The following SLC60A2 variants were observed in gnomAD, a reference collection of about 807,000 sequenced individuals.
The protein encoded by SLC60A2 is major facilitator superfamily domain containing 4B.
At chr6:111,265,467 C>T in the SLC60A2 span, 4 of 797,242 alleles carry the variant, frequency 5.0e-6, no homozygotes, top group African/African-American at 7.5e-5. Flanking sequence ...TGGCTACCAA[C>T]AGCAAGTACA....
the SLC60A2 span, among the ~76,000 whole-genome samples, chr6:111,276,217 C>T: frequency 8.4e-4 from 128 of 152,220 alleles, 1 homozygote; most frequent in Non-Finnish European, 1.3e-3. Context: ...GTTGTTAATA[C>T]GCTGCTGTGA....
the SLC60A2 span, chr6:111,263,794 ATAT>A: frequency 8.9e-7 from 1 of 1,122,936 alleles, no homozygotes; most frequent in African/African-American, 1.5e-5. Context: ...GACTGCATGG[ATAT>A]TATTTTTTAT....
the SLC60A2 span, chr6:111,267,681 CGTG>C: frequency 6.6e-6 from 1 of 152,212 alleles, no homozygotes; most frequent in African/African-American, 2.4e-5. Flanking sequence ...ATTAGCCAGG[CGTG>C]GTGGCAGGCA....
the SLC60A2 span, among the ~76,000 whole-genome samples, chr6:111,272,431 T>C: frequency 1.3e-5 from 2 of 152,202 alleles, no homozygotes; most frequent in Non-Finnish European, 2.9e-5. Flanking sequence ...TATAGCTGTT[T>C]TCAGTTATAT....
the SLC60A2 span, chr6:111,264,094 C>G: frequency 1.9e-6 from 1 of 530,700 alleles, no homozygotes; most frequent in Non-Finnish European, 3.4e-6. Flanking sequence ...AATCACCCTT[C>G]TAGCAGCTAT....
chr6:111,272,448 T>G, the SLC60A2 span, among the ~76,000 whole-genome samples: 2 of 152,154 alleles, frequency 1.3e-5, no homozygotes, highest in African/African-American at 4.8e-5. Flanking sequence ...ATATACTGGA[T>G]TATTGAACTA....
At chr6:111,274,067 G>A in the SLC60A2 span, among the ~76,000 whole-genome samples, 1 of 152,058 alleles carries the variant, frequency 6.6e-6, no homozygotes, top group Non-Finnish European at 1.5e-5. Flanking sequence ...TGTTGCGCAG[G>A]CTGGTCTCAA....
chr6:111,268,131 T>C, the SLC60A2 span: 3 of 152,262 alleles, frequency 2.0e-5, no homozygotes, highest in African/African-American at 7.2e-5. Context: ...AGCATGTTCT[T>C]CATTTCAAAT....
the SLC60A2 span, chr6:111,267,653 CT>C: frequency 1.3e-5 from 2 of 152,268 alleles, no homozygotes; most frequent in Admixed American, 6.5e-5. Context: ...AACCCTGTCT[CT>C]ACTAAAAATA....
the SLC60A2 span, chr6:111,262,230 A>G: frequency 6.3e-7 from 1 of 1,591,678 alleles, no homozygotes; most frequent in Non-Finnish European, 8.6e-7. Context: ...GATTATAAGT[A>G]AAAACTTTTG....
chr6:111,279,863 C>T, the SLC60A2 span, among the ~76,000 whole-genome samples: 6 of 151,948 alleles, frequency 3.9e-5, no homozygotes, highest in African/African-American at 7.2e-5. Context: ...TACCTTGAGC[C>T]GAGGAGTTCA....
At chr6:111,275,463 G>A in the SLC60A2 span, among the ~76,000 whole-genome samples, 15,074 of 150,528 alleles carry the variant, frequency 0.1, 983 homozygotes, top group Middle Eastern at 0.19. Context: ...AGGCTGGAGT[G>A]CAATGGCATG....
At chr6:111,273,951 C>T in the SLC60A2 span, among the ~76,000 whole-genome samples, 1 of 152,030 alleles carries the variant, frequency 6.6e-6, no homozygotes, top group Non-Finnish European at 1.5e-5. Flanking sequence ...TTGAACTGCA[C>T]TCAAGTGATC....
At chr6:111,262,839 G>C in the SLC60A2 span, among the ~76,000 whole-genome samples, 1 of 152,174 alleles carries the variant, frequency 6.6e-6, no homozygotes, top group South Asian at 2.1e-4. Flanking sequence ...GCGAGGTTGG[G>C]TGGACTGATG....
At chr6:111,261,619 A>C in the SLC60A2 span, among the ~76,000 whole-genome samples, 1 of 152,170 alleles carries the variant, frequency 6.6e-6, no homozygotes, top group South Asian at 2.1e-4. Flanking sequence ...TCTGAGACAG[A>C]GTCTCGCTCT....
chr6:111,266,346 A>G, the SLC60A2 span: 51 of 1,613,962 alleles, frequency 3.2e-5, 1 homozygote, highest in Middle Eastern at 3.3e-4. Context: ...CCATGCTGGC[A>G]TGAAAGAAAG....
At chr6:111,262,353 G>A in the SLC60A2 span, 1 of 1,614,048 alleles carries the variant, frequency 6.2e-7, no homozygotes, top group African/African-American at 1.3e-5. Context: ...TGTGGGTCGT[G>A]CCTTGGGATA....
chr6:111,264,865 G>C, the SLC60A2 span, among the ~76,000 whole-genome samples: 1 of 151,496 alleles, frequency 6.6e-6, no homozygotes, highest in Non-Finnish European at 1.5e-5. Flanking sequence ...AGGCTGTGTC[G>C]GGCAGATCAC....
the SLC60A2 span, chr6:111,265,288 A>C: frequency 1.0e-6 from 1 of 982,444 alleles, no homozygotes; most frequent in Non-Finnish European, 1.2e-6. Flanking sequence ...AGATAGCTCA[A>C]GATGTGCTGC....
Sources: gnomAD v4.1 joint callset for allele counts (sites outside exome capture counted in the v4.1 genomes callset) on GRCh38, gnomAD v4.1.1 for gene constraint, MANE v1.5 for transcripts, NCBI Gene and HGNC (gene_info 2026-07-23, HGNC 2026-07-21) for gene names.